SEMA3E: variants seen among roughly 807,000 people sequenced by gnomAD.
SEMA3E encodes the protein semaphorin-3E.
A neutral mutation model predicts 93.6 loss-of-function variants in SEMA3E; 49 were observed. The ratio of observed to expected loss-of-function variants is 0.52; its 90% confidence interval spans 0.42 to 0.66. The LOEUF (loss-of-function observed/expected upper bound fraction) is 0.66, where lower values mean the gene tolerates loss of function less well. Ranked by LOEUF, SEMA3E falls within the 30% of genes least tolerant of loss-of-function variation. The pLI, the probability that SEMA3E is intolerant of heterozygous loss-of-function variation, is 0.00. For synonymous variants in SEMA3E, 363 were observed against 330.7 expected (o/e 1.10, Z -1.06); for missense variants, 906 against 964.8 (o/e 0.94, Z 0.81).
chr7:83,554,160 C>T (rs1488826502), intron 1 of SEMA3E, among the ~76,000 whole-genome samples: 1 of 151,994 alleles, frequency 6.6e-6, no homozygotes, highest in African/African-American at 2.4e-5. Context: ...CATGTGTTTA[C>T]CCTAAATTCA....
At chr7:83,407,524 T>C (rs1281355456) in intron 6 of SEMA3E, among the ~76,000 whole-genome samples, 1 of 152,102 alleles carries the variant, frequency 6.6e-6, no homozygotes, top group African/African-American at 2.4e-5. Flanking sequence ...CAATGCGAAC[T>C]TAAAATGCAT....
chr7:83,443,458 A>G (rs149679310), intron 4 of SEMA3E, among the ~76,000 whole-genome samples: 3 of 152,360 alleles, frequency 2.0e-5, no homozygotes, highest in East Asian at 3.9e-4. Context: ...GATGTATTCA[A>G]CCAAGGCTTT....
rs1438791201 is a variant in SEMA3E at position 83,572,356 on chromosome 7, T to A, written c.115+76072A>T. ...TAAGGCTACAGTAACCAAAACATCATGGTCCTGGTACAAAAACGGATACAC... is the reference window on the plus strand; with the variant it reads ...TAAGGCTACAGTAACCAAAACATCAAGGTCCTGGTACAAAAACGGATACAC... On this transcript the variant is annotated intron_variant, in intron 1 of 16. Coordinates refer to ENST00000643230, the MANE Select transcript of SEMA3E (RefSeq NM_012431.3). 2.6e-5 allele frequency among the ~76,000 whole-genome samples: 4 copies of A among 152,212 alleles called. No homozygotes were observed. The East Asian group carries it at 7.7e-4, about 29-fold the overall frequency.
chr7:83,416,432 C>T (rs1315090397), intron 5 of SEMA3E, among the ~76,000 whole-genome samples: 1 of 152,006 alleles, frequency 6.6e-6, no homozygotes, highest in Non-Finnish European at 1.5e-5. Flanking sequence ...TGGCTTCATG[C>T]AGAAACAAAC....
intron 4 of SEMA3E, chr7:83,424,806 C>A: frequency 5.9e-6 from 1 of 169,144 alleles, no homozygotes; most frequent in Non-Finnish European, 1.3e-5. Context: ...AGCAGAAAGC[C>A]AACCGGGATG....
intron 1 of SEMA3E, among the ~76,000 whole-genome samples, chr7:83,531,347 T>C (rs1381076477): frequency 7.5e-6 from 1 of 133,726 alleles, no homozygotes; most frequent in East Asian, 2.1e-4. Context: ...TATTCTTTTT[T>C]TTTTTTTTTT....
chr7:83,566,783 C>G (rs1792169739), intron 1 of SEMA3E, among the ~76,000 whole-genome samples: 1 of 152,146 alleles, frequency 6.6e-6, no homozygotes, highest in Admixed American at 6.5e-5. Context: ...AGCAAACACA[C>G]AAATAAGAAA....
At chr7:83,571,149 A>G (rs1228689290) in intron 1 of SEMA3E, among the ~76,000 whole-genome samples, 1 of 152,130 alleles carries the variant, frequency 6.6e-6, no homozygotes, top group Non-Finnish European at 1.5e-5. Context: ...TAACAGATAT[A>G]CAAACAACTT....
At chr7:83,442,736 C>T (rs532423003) in intron 4 of SEMA3E, among the ~76,000 whole-genome samples, 27 of 152,068 alleles carry the variant, frequency 1.8e-4, no homozygotes, top group Non-Finnish European at 3.4e-4. Flanking sequence ...TGTAGAGTTA[C>T]GTGTTTTCAC....
At chr7:83,399,870 A>G (rs1029294439) in intron 11 of SEMA3E, among the ~76,000 whole-genome samples, 158 bp downstream of exon 11, 16 of 152,164 alleles carry the variant, frequency 1.1e-4, no homozygotes, top group Admixed American at 3.9e-4. Flanking sequence ...TTGCAGCCAC[A>G]TGAGGTCTCT....
intron 1 of SEMA3E, among the ~76,000 whole-genome samples, chr7:83,577,938 C>T (rs537248598): frequency 1.3e-5 from 2 of 151,860 alleles, no homozygotes; most frequent in African/African-American, 2.4e-5. Context: ...TGATATGACT[C>T]TTTTTTACCT....
intron 1 of SEMA3E, among the ~76,000 whole-genome samples, chr7:83,575,293 T>C (rs965888045): frequency 9.9e-5 from 15 of 151,270 alleles, no homozygotes; most frequent in Non-Finnish European, 2.9e-5. Context: ...TAGATCACAG[T>C]GTTATTACCT....
intron 1 of SEMA3E, among the ~76,000 whole-genome samples, chr7:83,575,379 T>C (rs1792378367): frequency 6.6e-6 from 1 of 151,798 alleles, no homozygotes; most frequent in Non-Finnish European, 1.5e-5. Context: ...AAGGTATCTT[T>C]TAGAGACAAA....
chr7:83,441,751 G>C (rs1789118804), intron 4 of SEMA3E, among the ~76,000 whole-genome samples: 2 of 146,328 alleles, frequency 1.4e-5, no homozygotes, highest in African/African-American at 4.8e-5. Flanking sequence ...AAGCCTACAG[G>C]TATGGATACA....
At chr7:83,604,661 G>A (rs1793069551) in intron 1 of SEMA3E, among the ~76,000 whole-genome samples, 1 of 151,720 alleles carries the variant, frequency 6.6e-6, no homozygotes, top group Non-Finnish European at 1.5e-5. Context: ...TACATGCACA[G>A]AACATGCAGG....
chr7:83,398,494 T>C (rs753041027), intron 11 of SEMA3E, among the ~76,000 whole-genome samples: 3 of 152,240 alleles, frequency 2.0e-5, no homozygotes, highest in Non-Finnish European at 4.4e-5. Context: ...TCAAGTTTGC[T>C]AAAGAAATCT....
At chr7:83,541,194 G>A (rs1584319244) in intron 1 of SEMA3E, among the ~76,000 whole-genome samples, 1 of 152,172 alleles carries the variant, frequency 6.6e-6, no homozygotes, top group Non-Finnish European at 1.5e-5. Context: ...TTCACATATC[G>A]TACTGACTTC....
At chr7:83,566,163 A>ATTT (rs1231214789) in intron 1 of SEMA3E, among the ~76,000 whole-genome samples, 11 of 128,680 alleles carry the variant, frequency 8.5e-5, no homozygotes, top group African/African-American at 2.9e-4. Flanking sequence ...ACACCTGGCT[A>ATTT]TTTTTTTTTT....
intron 1 of SEMA3E, among the ~76,000 whole-genome samples, chr7:83,540,354 G>A (rs1791494583): frequency 6.6e-6 from 1 of 152,030 alleles, no homozygotes; most frequent in South Asian, 2.1e-4. Flanking sequence ...TTATATCAGT[G>A]GGGAAATTAA....
Sources: allele counts gnomAD v4.1 joint callset (sites outside exome capture counted in the v4.1 genomes callset), GRCh38; gene constraint gnomAD v4.1.1; transcripts MANE v1.5; gene names NCBI Gene and HGNC (gene_info 2026-07-23, HGNC 2026-07-21).